Variants in ANKRD28 observed in about 807,000 individuals in gnomAD.
ANKRD28 encodes ankyrin repeat domain 28.
Under a neutral mutation model 126.5 loss-of-function variants are expected in ANKRD28, and 44 were observed. That is an observed-to-expected ratio of 0.35 (90% confidence interval 0.27 to 0.45). The LOEUF is 0.45. Among genes scored for constraint, ANKRD28 ranks in the 20% least tolerant of loss-of-function variants. The pLI is 1.00. For synonymous variants in ANKRD28, 442 were observed against 468.5 expected (o/e 0.94, Z 0.73); for missense variants, 1,110 against 1,316.6 (o/e 0.84, Z 2.43).
intron 4 of ANKRD28, among the ~76,000 whole-genome samples, chr3:15,749,659 C>G (rs998338812): frequency 1.3e-5 from 2 of 152,180 alleles, no homozygotes; most frequent in African/African-American, 4.8e-5. Context: ...TCAAGGACTA[C>G]TGTTTAAATT....
In ANKRD28 at chr3:15,850,200, A is replaced by ATATATATATATATAT. The variant is rs1208827136; in HGVS notation, c.27+9176_27+9177insATATATATATATATA. Among the ~76,000 whole-genome samples, 24 of 47,656 alleles carry ATATATATATATATAT rather than the reference A, an allele frequency of 5.0e-4. 1 individual carries two copies. Among genetic ancestry groups the ATATATATATATATAT allele is most frequent in the East Asian group, 3.8e-3 (7 of 1,834 alleles). 31.3% of individuals were successfully genotyped at this position (47,656 alleles called of 152,430 possible). ...GGTATCTACATGCAATAAAAAAAAA[A>ATATATATATATATAT]AAAAATATATATATATATATATATA... On this transcript the variant is annotated intron_variant, in intron 1 of 27. Coordinates refer to the ANKRD28 transcript ENST00000399451.
Position 15,720,528 on chromosome 3 carries a change from T to C in ANKRD28, c.996+387A>G, listed in dbSNP as rs73819144. 1.2e-3 allele frequency among the ~76,000 whole-genome samples: 190 copies of C among 152,316 alleles called. 2 individuals are homozygous for C. Among genetic ancestry groups the C allele is most frequent in the African/African-American group, 4.4e-3 (182 of 41,576 alleles). On this transcript the variant is annotated intron_variant, in intron 8 of 27. Coordinates refer to ENST00000683139, the MANE Select transcript of ANKRD28 (RefSeq NM_001349278.2). ...AGAAAATTTATATGCTATGAAAGCA[T>C]ACAAATGAACCACCTTATCAGTTTT...
chr3:15,837,295 A>T (rs2125956226), intron 1 of ANKRD28, among the ~76,000 whole-genome samples: 1 of 152,268 alleles, frequency 6.6e-6, no homozygotes, highest in African/African-American at 2.4e-5. Flanking sequence ...AACACTATAA[A>T]TTTGACCTAA....
intron 14 of ANKRD28, among the ~76,000 whole-genome samples, chr3:15,699,191 T>C (rs1339004421): frequency 6.6e-6 from 1 of 152,292 alleles, no homozygotes; most frequent in Non-Finnish European, 1.5e-5. Context: ...TAGCCATATG[T>C]AGAAAGCTGA....
Position 15,670,382 on chromosome 3 carries a change from A to G in ANKRD28, c.3140T>C (p.Ile1047Thr), listed in dbSNP as rs368821167. The G allele has an allele frequency of 4.0e-5, 64 of 1,613,800 alleles. No homozygotes were observed. The highest frequency in any genetic ancestry group is 3.3e-4 in the Middle Eastern group (2 of 6,084). ...ATAGGAGCTAGGTTCATTCCTCATG[A>G]TGGGCAAAGCTTCAAAGCTGACTGT... ...SKTVSFEALPIMRNEPSSYCS... is the reference protein window; with the variant it reads ...SKTVSFEALPTMRNEPSSYCS... The change falls in exon 28 of 28, where the codon ATC becomes ACC. Residue 1047 changes from isoleucine (I) to threonine (T), a missense_variant. Physicochemically the swap from Ile to Thr is moderately conservative, Grantham distance 89 (BLOSUM62 -1). Transcript: ENST00000683139.
chr3:15,850,258 G>GAGAGAGAGGGAGAGAGAGAGAGAGAA (rs1384999941), intron 1 of ANKRD28, among the ~76,000 whole-genome samples: 1 of 126,868 alleles, frequency 7.9e-6, no homozygotes, highest in Non-Finnish European at 1.6e-5. Flanking sequence ...GAGAGAGAGA[G>GAGAGAGAGGGAGAGAGAGAGAGAGAA]AGAGAAAGTT....
intron 14 of ANKRD28, among the ~76,000 whole-genome samples, chr3:15,706,253 A>G (rs1449552088): frequency 6.7e-6 from 1 of 149,414 alleles, no homozygotes; most frequent in East Asian, 2.0e-4. Context: ...TCCCCACCCC[A>G]TGACAGGCCC....
chr3:15,767,957 G>A (rs1298387583), intron 2 of ANKRD28, among the ~76,000 whole-genome samples: 2 of 152,056 alleles, frequency 1.3e-5, no homozygotes, highest in East Asian at 3.9e-4. Flanking sequence ...ATTGTTTCCT[G>A]CTTCCCACAG....
intron 4 of ANKRD28, among the ~76,000 whole-genome samples, chr3:15,741,498 A>T (rs1277910508): frequency 6.6e-6 from 1 of 152,122 alleles, no homozygotes; most frequent in Non-Finnish European, 1.5e-5. Flanking sequence ...ATTAGAGGGA[A>T]TGTGTAAGAA....
intron 21 of ANKRD28, among the ~76,000 whole-genome samples, chr3:15,682,866 C>T (rs2067687767): frequency 6.6e-6 from 1 of 152,178 alleles, no homozygotes; most frequent in African/African-American, 2.4e-5. Flanking sequence ...ACATTAAATT[C>T]CTTCCAGCTC....
At chr3:15,829,111 G>T (rs2061132984) in intron 1 of ANKRD28, among the ~76,000 whole-genome samples, 1 of 151,922 alleles carries the variant, frequency 6.6e-6, no homozygotes. Context: ...TTGCTTATGA[G>T]GATTATTTCT....
chr3:15,727,799 T>C (rs929621606), intron 6 of ANKRD28, among the ~76,000 whole-genome samples: 1 of 152,110 alleles, frequency 6.6e-6, no homozygotes, highest in Non-Finnish European at 1.5e-5. Flanking sequence ...TATAATCTCA[T>C]GATAAAATGT....
At chr3:15,683,651 A>G (rs2067778634) in intron 21 of ANKRD28, 1 of 152,230 alleles carries the variant, frequency 6.6e-6, no homozygotes, top group Non-Finnish European at 1.5e-5. Context: ...ACAAACCTCA[A>G]GAACCCAAAA....
At chr3:15,694,392 C>A (rs1260699892) in intron 17 of ANKRD28, among the ~76,000 whole-genome samples, 1 of 152,086 alleles carries the variant, frequency 6.6e-6, no homozygotes, top group Non-Finnish European at 1.5e-5. Flanking sequence ...ATCTGCTTAG[C>A]CAACTTATAA....
chr3:15,741,460 T>C (rs1239064353), intron 4 of ANKRD28, among the ~76,000 whole-genome samples: 1 of 152,112 alleles, frequency 6.6e-6, no homozygotes, highest in Non-Finnish European at 1.5e-5. Flanking sequence ...AACATTATTA[T>C]AGTAATCTAA....
chr3:15,736,315 T>C (rs921251912), intron 5 of ANKRD28, among the ~76,000 whole-genome samples: 1 of 152,230 alleles, frequency 6.6e-6, no homozygotes, highest in African/African-American at 2.4e-5. Flanking sequence ...ACAGTATCTA[T>C]AGGGTTTGGT....
rs1319513336 is a variant in ANKRD28 at position 15,712,211 on chromosome 3, T to C, written c.1202A>G (p.His401Arg). The change falls in exon 11 of 28, where the codon CAT becomes CGT. Residue 401 changes from histidine to arginine, a missense_variant. Physicochemically the swap from His to Arg is conservative, Grantham distance 29. Coordinates refer to ENST00000683139, the MANE Select transcript of ANKRD28 (RefSeq NM_001349278.2). ...SGADTAKRGI[H>R]GMFPLHLAAL... ...TGCCAAATGGAGGGGGAACATTCCATGTATGCCACGCCTAAAGTTAATAGA... is the reference window on the plus strand; with the variant it reads ...TGCCAAATGGAGGGGGAACATTCCACGTATGCCACGCCTAAAGTTAATAGA... 1.4e-5 allele frequency: 22 copies of C among 1,580,630 alleles called. No homozygotes were observed. Among genetic ancestry groups the C allele is most frequent in the Admixed American group, 1.8e-5 (1 of 54,810 alleles).
At chr3:15,844,625 C>CGATACTT (rs2061492660) in intron 1 of ANKRD28, among the ~76,000 whole-genome samples, 1 of 151,968 alleles carries the variant, frequency 6.6e-6, no homozygotes, top group East Asian at 1.9e-4. Context: ...ACATTAAAAG[C>CGATACTT]GATACTTTAA....
chr3:15,805,980 A>G (rs940929420), intron 1 of ANKRD28, among the ~76,000 whole-genome samples: 1 of 152,166 alleles, frequency 6.6e-6, no homozygotes, highest in East Asian at 1.9e-4. Context: ...AAAATGATTC[A>G]TGTCTTTCTG....
Sources: allele counts gnomAD v4.1 joint callset (sites outside exome capture counted in the v4.1 genomes callset), GRCh38; gene constraint gnomAD v4.1.1; transcripts MANE v1.5; gene names NCBI Gene and HGNC (gene_info 2026-07-23, HGNC 2026-07-21).